BPTF: variants seen among roughly 807,000 people sequenced by gnomAD.
The protein encoded by BPTF is bromodomain PHD finger transcription factor.
Under a neutral mutation model 292.5 loss-of-function variants are expected in BPTF, and 18 were observed. The ratio of observed to expected loss-of-function variants is 0.06; its 90% CI spans 0.04 to 0.09. BPTF has a LOEUF of 0.09. Ranked by LOEUF, BPTF falls within the 10% of genes least tolerant of loss-of-function variation. The pLI is 1.00. For missense variants in BPTF, 2,726 were observed against 3,498.7 expected, an observed-to-expected ratio of 0.78 and a Z score of 5.57; for synonymous variants, 1,225 against 1,251.9, an observed-to-expected ratio of 0.98 and a Z score of 0.45.
chr17:67,898,132 G>T (rs1484549632), intron 7 of BPTF, among the ~76,000 whole-genome samples: 1 of 152,172 alleles, frequency 6.6e-6, no homozygotes, highest in Non-Finnish European at 1.5e-5. Flanking sequence ...CACTTTGGAA[G>T]GCCAAGGCGA....
At chr17:67,981,864 TAAACACACACACACACACACACACAC>T (rs1447147256) in intron 27 of BPTF, 2 of 34,582 alleles carry the variant, frequency 5.8e-5, no homozygotes, top group African/African-American at 1.9e-4. Flanking sequence ...TCAATGTAAA[TAAACACACACACACACACACACACAC>T]ACACACACAC....
rs771983682 is a variant in BPTF, at chr17:67,911,669, A to G, written c.3785A>G (p.Asn1262Ser). 1.3e-5 allele frequency: 21 copies of G among 1,614,196 alleles called. No individual in the cohort carries two copies. Among genetic ancestry groups the G allele is most frequent in the Middle Eastern group, 1.6e-4 (1 of 6,062 alleles). ...ALHSSVPKSTNDRDATPLSRA... is the reference protein window; with the variant it reads ...ALHSSVPKSTSDRDATPLSRA... Reference sequence around the variant, plus strand: ...CATTCATCAGTGCCTAAAAGTACCAATGACAGAGATGCCACACCTCTGTCA... The same window carrying G: ...CATTCATCAGTGCCTAAAAGTACCAGTGACAGAGATGCCACACCTCTGTCA... Residue 1262 changes from asparagine (N) to serine (S), a missense_variant, in exon 11 of 28, where the codon AAT becomes AGT. Asn to Ser is a conservative substitution (Grantham distance 46). Coordinates refer to ENST00000306378, the MANE Select transcript of BPTF (RefSeq NM_182641.4).
Position 67,893,836 on chromosome 17 carries a change from A to G in BPTF, c.2411+111A>G, listed in dbSNP as rs1298518342. On this transcript the variant is annotated intron_variant, in intron 6 of 27. Coordinates refer to ENST00000306378, the MANE Select transcript of BPTF (RefSeq NM_182641.4). ...ATTACCAATGAGTTGAATGAAGTCA[A>G]TGTGGTCAGCAGACAGGACATTAGA... The G allele has an allele frequency of 6.7e-5, 79 of 1,179,928 alleles. 1 individual carries two copies. The highest frequency in any genetic ancestry group is 9.0e-5 in the Non-Finnish European group (75 of 832,628). The allele number at this position is 1,179,928 out of a possible 1,614,324, so 73.1% of individuals were successfully genotyped here.
intron 11 of BPTF, 86 bp from the exon 12 acceptor site, chr17:67,918,628 C>A: frequency 7.9e-7 from 1 of 1,271,878 alleles, no homozygotes; most frequent in Non-Finnish European, 1.1e-6. Context: ...GAAACACAGC[C>A]CTTCAGTTTA....
chr17:67,977,611 A>G (rs1205941478), intron 27 of BPTF: 1 of 151,964 alleles, frequency 6.6e-6, no homozygotes, highest in Admixed American at 6.6e-5. Context: ...TGGGAGGCCG[A>G]GGCGGGCGGA....
At chr17:67,875,131 T>A in intron 4 of BPTF, 111 bp downstream of exon 4, 1 of 917,860 alleles carries the variant, frequency 1.1e-6, no homozygotes, top group South Asian at 1.7e-5. Flanking sequence ...CCTAATTTAA[T>A]ATTTCTAAAG....
At chr17:67,966,911 C>A (rs1485866823) in intron 26 of BPTF, among the ~76,000 whole-genome samples, 2 of 151,618 alleles carry the variant, frequency 1.3e-5, no homozygotes, top group Non-Finnish European at 1.5e-5. Context: ...ACTATCCTGG[C>A]CAACATGGTG....
intron 26 of BPTF, among the ~76,000 whole-genome samples, chr17:67,968,754 C>CT (rs1487519239): frequency 6.7e-6 from 1 of 149,064 alleles, no homozygotes; most frequent in Non-Finnish European, 1.5e-5. Context: ...TGCCACTGCG[C>CT]TCTAGCCTGG....
At chr17:67,883,900 G>A (rs748379517) in intron 4 of BPTF, among the ~76,000 whole-genome samples, 23 of 152,072 alleles carry the variant, frequency 1.5e-4, no homozygotes, top group South Asian at 8.3e-4. Context: ...CGCCCGGCTC[G>A]TTTTGTTTTT....
chr17:67,924,191 G>A (rs1397168436), intron 14 of BPTF, among the ~76,000 whole-genome samples: 3 of 152,158 alleles, frequency 2.0e-5, no homozygotes, highest in African/African-American at 7.2e-5. Flanking sequence ...CTGATCTCAA[G>A]CAATCCACCT....
At chr17:67,881,491 G>GT (rs140810889) in intron 4 of BPTF, among the ~76,000 whole-genome samples, 2 of 92,524 alleles carry the variant, frequency 2.2e-5, no homozygotes, top group East Asian at 2.7e-4. Flanking sequence ...CATAATCAAG[G>GT]TTTTTTTTTT....
chr17:67,908,443 C>T (rs1467400676), intron 9 of BPTF, among the ~76,000 whole-genome samples: 1 of 151,292 alleles, frequency 6.6e-6, no homozygotes, highest in African/African-American at 2.4e-5. Flanking sequence ...GCATGAGCCA[C>T]CACACTCACC....
In BPTF at chr17:67,898,109, C is replaced by G. The variant is rs536470733; in HGVS notation, c.2543+3944C>G. On this transcript the variant is annotated intron_variant, in intron 7 of 27. Coordinates refer to ENST00000306378, the MANE Select transcript of BPTF (RefSeq NM_182641.4). The stretch of plus-strand genomic sequence containing the variant: ...GAAAGGCTGGATGCAGTGGCTGACA[C>G]TTGTAATCCCAGCACTTTGGAAGGC... Among the ~76,000 whole-genome samples the G allele has an allele frequency of 9.8e-5, 15 of 152,348 alleles. No individual in the cohort carries two copies. The South Asian group carries it at 3.1e-3, about 32-fold the overall frequency.
At chr17:67,975,725 G>T in intron 26 of BPTF, 47 bp from the exon 27 acceptor site, 1 of 1,527,508 alleles carries the variant, frequency 6.5e-7, no homozygotes, top group Non-Finnish European at 8.9e-7. Flanking sequence ...ATTCACATTG[G>T]AAAAACCTTA....
Position 67,961,350 on chromosome 17 carries a change from G to A in BPTF, c.8261+1475G>A, listed in dbSNP as rs534243227. Among the ~76,000 whole-genome samples the A allele has an allele frequency of 3.7e-4, 57 of 152,264 alleles. 1 individual carries two copies. In the South Asian group the frequency reaches 0.011, roughly 30 times the overall value. On this transcript the variant is annotated intron_variant, in intron 24 of 27. Transcript: ENST00000306378. ...ATTCACTCCCTATTTTAGTTGAGATGAGTTAGTGTTTCTAAGGAGTGTTTC... is the reference window on the plus strand; with the variant it reads ...ATTCACTCCCTATTTTAGTTGAGATAAGTTAGTGTTTCTAAGGAGTGTTTC...
Position 67,947,864 on chromosome 17 carries a change from C to T in BPTF, c.7700+56C>T, listed in dbSNP as rs1296444243. ...CCGTCTCTTCTCTTTATCGTGCACA[C>T]GCACAGAGTTCTGAGTTTATACTTG... On this transcript the variant is annotated intron_variant, in intron 22 of 27. Coordinates refer to ENST00000306378, the MANE Select transcript of BPTF (RefSeq NM_182641.4). The T allele has an allele frequency of 3.9e-5, 57 of 1,474,396 alleles. 1 individual carries two copies. The South Asian group carries it at 5.1e-4, about 13-fold the overall frequency. The allele number at this position is 1,474,396 out of a possible 1,614,324, so 91.3% of individuals were successfully genotyped here.
At chr17:67,950,444 C>G (rs781920837) in intron 23 of BPTF, among the ~76,000 whole-genome samples, 14 of 151,972 alleles carry the variant, frequency 9.2e-5, no homozygotes, top group Non-Finnish European at 1.9e-4. Flanking sequence ...TATGTTAAGC[C>G]AAGCAAAAGA....
In BPTF at chr17:67,904,621, G is replaced by A. The variant is rs966937370; in HGVS notation, c.2674-81G>A. ...ATTTGCCTGACTTTGAAACTTGTTTGGTAAAAATGCATAAAACCACATGTG... is the reference window on the plus strand; with the variant it reads ...ATTTGCCTGACTTTGAAACTTGTTTAGTAAAAATGCATAAAACCACATGTG... On this transcript the variant is annotated intron_variant, in intron 8 of 27. Coordinates refer to ENST00000306378, the MANE Select transcript of BPTF (RefSeq NM_182641.4). 3.6e-6 allele frequency: 4 copies of A among 1,097,518 alleles called. No individual in the cohort carries two copies. The Admixed American group carries it at 1.1e-4, about 31-fold the overall frequency. 68.0% of individuals were successfully genotyped at this position (1,097,518 alleles called of 1,614,324 possible).
At position 67,912,818 on chromosome 17, in the gene BPTF, A is replaced by C. The variant is rs1186718676; in HGVS notation, c.4934A>C (p.Asp1645Ala). 1.1e-5 allele frequency: 17 copies of C among 1,614,068 alleles called. No homozygotes were observed. The highest frequency in any genetic ancestry group is 1.7e-5 in the Admixed American group (1 of 60,000). ...ACACCCTCCACAGGCGGCAGTGTGG[A>C]CATCATCTCTGTAAAGGAGCAGAGC... The part of the protein sequence containing the change: ...LSTPSTGGSV[D>A]IISVKEQSKT... The change falls in exon 11 of 28, where the codon GAC becomes GCC. Residue 1645 changes from aspartate to alanine, a missense_variant. Physicochemically the swap from Asp to Ala is moderately radical, Grantham distance 126 (BLOSUM62 -2). Coordinates refer to ENST00000306378, the MANE Select transcript of BPTF (RefSeq NM_182641.4).
Sources: allele counts gnomAD v4.1 joint callset (sites outside exome capture counted in the v4.1 genomes callset), GRCh38; gene constraint gnomAD v4.1.1; transcripts MANE v1.5; gene names NCBI Gene and HGNC (gene_info 2026-07-23, HGNC 2026-07-21).